The following NELFE variants were observed in gnomAD, a reference collection of about 807,000 sequenced individuals.
NELFE encodes negative elongation factor complex member E.
A neutral mutation model predicts 55.5 loss-of-function variants in NELFE; 26 were observed. That is an observed-to-expected ratio of 0.47 (90% CI 0.34 to 0.65). NELFE has a LOEUF of 0.65. Ranked by LOEUF, NELFE falls within the 30% of genes least tolerant of loss-of-function variation. The probability of loss-of-function intolerance (pLI) is 0.01; values close to 1 mark genes in which losing one functional copy is unlikely to be tolerated. For synonymous variants in NELFE, 162 were observed against 178.0 expected, an observed-to-expected ratio of 0.91 and a Z score of 0.72; for missense variants, 403 against 506.9, an observed-to-expected ratio of 0.80 and a Z score of 1.97.
intron 1 of NELFE, 186 bp downstream of exon 1, chr6:31,958,706 T>A: frequency 1.4e-6 from 1 of 702,930 alleles, no homozygotes; most frequent in South Asian, 1.5e-5. Context: ...GGGACAAATA[T>A]CCACTCCGTC....
At chr6:31,953,406 C>G (rs1271476347) in intron 10 of NELFE, among the ~76,000 whole-genome samples, 1 of 152,032 alleles carries the variant, frequency 6.6e-6, no homozygotes, top group Non-Finnish European at 1.5e-5. Context: ...AGTTCCAGAT[C>G]CCTGATTTCG....
In NELFE at chr6:31,958,457, A is replaced by G; in HGVS notation, c.-8-3T>C. ...GGGTATCACCAACATGGTGGCTCCTAGTTCAGGGGCAGGGCCCAAGACATC... is the reference window on the plus strand; with the variant it reads ...GGGTATCACCAACATGGTGGCTCCTGGTTCAGGGGCAGGGCCCAAGACATC... On this transcript the variant is annotated splice_region_variant and splice_polypyrimidine_tract_variant and intron_variant, in intron 1 of 10. Coordinates refer to ENST00000375429, the MANE Select transcript of NELFE (RefSeq NM_002904.6). The G allele has an allele frequency of 2.5e-6, 4 of 1,612,530 alleles. No individual in the cohort carries two copies. Among genetic ancestry groups the G allele is most frequent in the Non-Finnish European group, 3.4e-6 (4 of 1,179,564 alleles).
Position 31,955,245 on chromosome 6 carries a change from T to C in NELFE, c.340A>G (p.Ile114Val), listed in dbSNP as rs758332767. The change falls in exon 5 of 11, where the codon ATA becomes GTA. Residue 114 changes from isoleucine (I) to valine (V), a missense_variant. Physicochemically the swap from Ile to Val is conservative, Grantham distance 29 (BLOSUM62 3). Transcript: ENST00000375429. ...TCTTGCAGGTCATCATCAGCAGATA[T>C]GCTCCTCTGGAACGGCTGGAAAGTG... ...VPTFQPFQRS[I>V]SADDDLQESS... 3 of 1,606,018 alleles carry C rather than the reference T, an allele frequency of 1.9e-6. No individual in the cohort carries two copies. The highest frequency in any genetic ancestry group is 2.5e-6 in the Non-Finnish European group (3 of 1,176,502).
chr6:31,954,351 C>T lies in NELFE; in HGVS notation c.834G>A (p.Gly278=), dbSNP rs1276479774. Residue 278 remains glycine (G), a synonymous_variant, in exon 8 of 11, where the codon GGG becomes GGA. Coordinates refer to ENST00000375429, the MANE Select transcript of NELFE (RefSeq NM_002904.6). The surrounding 1 kb of genome is among the most constrained non-coding windows in gnomAD (Gnocchi z 5.5). ...GEDMTPTLLR[G]AFSPFGNIID... ...TGATGTTTCCAAAAGGAGAGAAGGC[C>T]CCACGGAGAAGGGTGGGTGTCATGT... The T allele has an allele frequency of 2.5e-6, 4 of 1,613,666 alleles. No individual in the cohort carries two copies. The highest frequency in any genetic ancestry group is 4.5e-5 in the East Asian group (2 of 44,882).
At chr6:31,953,624 C>T (rs1056964087) in intron 10 of NELFE, 105 bp downstream of exon 10, 2 of 957,468 alleles carry the variant, frequency 2.1e-6, no homozygotes, top group Admixed American at 1.7e-5. Context: ...AGCCTCCGCA[C>T]ACACTCTGAC....
At position 31,954,482 on chromosome 6, in the gene NELFE, G is replaced by T. The variant is rs543366600; in HGVS notation, c.743-40C>A. 26 of 1,580,276 alleles carry T rather than the reference G, an allele frequency of 1.6e-5. No homozygotes were observed. The East Asian group carries it at 5.6e-4, about 34-fold the overall frequency. The stretch of plus-strand genomic sequence containing the variant: ...ATCATAGTCACAAGACATAGACCAT[G>T]CCACATTTCACTTAGTAGGACCCAC... On this transcript the variant is annotated intron_variant, in intron 7 of 10. Transcript: ENST00000375429. This position sits in a 1 kb window ranked among gnomAD's most constrained non-coding sequence, Gnocchi z 5.5.
intron 4 of NELFE, among the ~76,000 whole-genome samples, chr6:31,956,221 G>A (rs1041695709): frequency 2.6e-5 from 4 of 152,092 alleles, no homozygotes; most frequent in Admixed American, 2.0e-4. Context: ...GAGCCACCGC[G>A]CCCGGCCTCA....
intron 10 of NELFE, 53 bp downstream of exon 10, chr6:31,953,676 A>G: frequency 6.8e-7 from 1 of 1,480,170 alleles, no homozygotes; most frequent in Non-Finnish European, 9.4e-7. Flanking sequence ...TGGGGGAACC[A>G]AAAGGAATGG....
chr6:31,958,402 C>T lies in NELFE; in HGVS notation c.45G>A (p.Leu15=), dbSNP rs142510552. ...PPGLSEEEEA[L]QKKFNKLKKK... ...TCTTGAGCTTGTTGAATTTCTTCTG[C>T]AGAGCCTCCTCTTCCTCGCTCAGTC... Residue 15 remains leucine, a synonymous_variant, in exon 2 of 11, where the codon CTG becomes CTA. Transcript: ENST00000375429. The T allele has an allele frequency of 2.5e-6, 4 of 1,612,998 alleles. No homozygotes were observed. The highest frequency in any genetic ancestry group is 3.4e-6 in the Non-Finnish European group (4 of 1,180,042).
chr6:31,958,932 C>T lies in NELFE; in HGVS notation c.-49G>A. ...CCGGGGGCCCCACGGTCTCCGGCCG[C>T]GCCCGCGCTGGCCGCTGATAGCGGG... is the stretch of plus-strand genomic sequence containing the variant. On this transcript the variant is annotated 5_prime_UTR_variant, in exon 1 of 11. Coordinates refer to ENST00000375429, the MANE Select transcript of NELFE (RefSeq NM_002904.6). 1 of 594,272 alleles carries T rather than the reference C, an allele frequency of 1.7e-6. No homozygotes were observed. Among genetic ancestry groups the T allele is most frequent in the African/African-American group, 1.9e-5 (1 of 53,778 alleles). 36.8% of individuals were successfully genotyped at this position (594,272 alleles called of 1,614,324 possible). A position where few individuals can be genotyped will look rare whatever the true frequency, so the allele number is the denominator to read the frequency against.
At chr6:31,956,866 T>C (rs1379504824) in intron 3 of NELFE, 28 bp from the exon 4 acceptor site, 1 of 1,613,092 alleles carries the variant, frequency 6.2e-7, no homozygotes, top group East Asian at 2.2e-5. Context: ...AGAGGCATTA[T>C]GTTGGCCAAG....
Position 31,956,991 on chromosome 6 carries a change from A to G in NELFE, c.95T>C (p.Leu32Pro). 6.2e-7 allele frequency: 1 copy of G among 1,601,108 alleles called. No individual in the cohort carries two copies. Among genetic ancestry groups the G allele is most frequent in the Non-Finnish European group, 8.5e-7 (1 of 1,169,934 alleles). ...LKKKKKALLA[L>P]KKQSSSSTTS... ...TGTGCTGCTGCTACTTTGCTTCTTCAGAGCCAGCAATGCCTTTTTCTGGGA... is the reference window on the plus strand; with the variant it reads ...TGTGCTGCTGCTACTTTGCTTCTTCGGAGCCAGCAATGCCTTTTTCTGGGA... The change falls in exon 3 of 11, where the codon CTG becomes CCG. Residue 32 changes from leucine (L) to proline (P), a missense_variant. By Grantham distance (98) the Leu-to-Pro change is moderately conservative (BLOSUM62 -3). This residue lies in a region of NELFE where 97 missense variants were observed against 155.3 expected (regional missense o/e 0.62). Coordinates refer to ENST00000375429, the MANE Select transcript of NELFE (RefSeq NM_002904.6).
At chr6:31,953,394 T>C (rs1771882017) in intron 10 of NELFE, among the ~76,000 whole-genome samples, 1 of 151,134 alleles carries the variant, frequency 6.6e-6, no homozygotes, top group African/African-American at 2.4e-5. Flanking sequence ...ACCTCACACC[T>C]GAGTTCCAGA....
chr6:31,958,754 G>C (rs1772256025), intron 1 of NELFE, 138 bp downstream of exon 1: 2 of 700,926 alleles, frequency 2.9e-6, no homozygotes, highest in Non-Finnish European at 5.2e-6. Context: ...ACCCTCGCTA[G>C]GGTAAGGACA....
Position 31,954,949 on chromosome 6 carries a change from T to C in NELFE, c.405-57A>G. ...GGTTTTACCTTCTCCCCTCAGACCC[T>C]GTGGAGACTCAATATTCCCTCTATA... is the stretch of plus-strand genomic sequence containing the variant. On this transcript the variant is annotated intron_variant, in intron 6 of 10. Coordinates refer to ENST00000375429, the MANE Select transcript of NELFE (RefSeq NM_002904.6). This position sits in a 1 kb window ranked among gnomAD's most constrained non-coding sequence, Gnocchi z 5.5. 6.2e-7 allele frequency: 1 copy of C among 1,605,682 alleles called. No individual in the cohort carries two copies. The highest frequency in any genetic ancestry group is 8.5e-7 in the Non-Finnish European group (1 of 1,175,244).
intron 10 of NELFE, 132 bp from the exon 11 acceptor site, chr6:31,952,530 C>A: frequency 1.6e-6 from 1 of 612,118 alleles, no homozygotes; most frequent in South Asian, 2.1e-5. Context: ...CTCTGGTGGC[C>A]AGGATGGCCT....
At chr6:31,958,630 C>T (rs1156369279) in intron 1 of NELFE, 176 bp from the exon 2 acceptor site, 10 of 706,532 alleles carry the variant, frequency 1.4e-5, no homozygotes, top group Non-Finnish European at 2.3e-5. Flanking sequence ...CGGGATCATC[C>T]AGCATTCCCT....
chr6:31,952,467 T>TCAG, intron 10 of NELFE, 69 bp from the exon 11 acceptor site: 1 of 1,165,392 alleles, frequency 8.6e-7, no homozygotes, highest in Non-Finnish European at 1.2e-6. Flanking sequence ...GGCTGACTCC[T>TCAG]GACCACCTCA....
intron 4 of NELFE, among the ~76,000 whole-genome samples, 158 bp from the exon 5 acceptor site, chr6:31,955,451 T>TA (rs1202027066): frequency 4.1e-5 from 6 of 146,830 alleles, no homozygotes; most frequent in Non-Finnish European, 6.0e-5. Flanking sequence ...TTTACTTATT[T>TA]TTTTTTTTTT....
Sources: gnomAD v4.1 joint callset for allele counts (sites outside exome capture counted in the v4.1 genomes callset) on GRCh38, gnomAD v4.1.1 for gene constraint, gnomAD v4.1.1 regional missense constraint, Gnocchi (gnomAD v3.1) non-coding constraint, MANE v1.5 for transcripts, NCBI Gene and HGNC (gene_info 2026-07-23, HGNC 2026-07-21) for gene names.